The following ZNF891 variants were observed in gnomAD, a reference collection of about 807,000 sequenced individuals.
ZNF891 encodes hCG1646157.
For synonymous variants in ZNF891, 199 were observed against 209.0 expected (o/e 0.95, Z 0.41); for missense variants, 589 against 632.7 (o/e 0.93, Z 0.74).
chr12:133,121,942 A>G lies in ZNF891; in HGVS notation c.-24T>C. The G allele has an allele frequency of 6.7e-7, 1 of 1,500,530 alleles. No individual in the cohort carries two copies. The highest frequency in any genetic ancestry group is 8.9e-7 in the Non-Finnish European group (1 of 1,128,674). The allele number at this position is 1,500,530 out of a possible 1,614,324, so 93.0% of individuals were successfully genotyped here. ...ATTTTATGAGTACATAAGCCTGCAC[A>G]GTAGAGTAGAGAGATCAGGATGTTT... On this transcript the variant is annotated 5_prime_UTR_variant, in exon 2 of 2. Transcript: ENST00000537226.
In ZNF891 at chr12:133,121,149, A is replaced by T; in HGVS notation, c.770T>A (p.Phe257Tyr). The T allele has an allele frequency of 6.5e-7, 1 of 1,535,286 alleles. No individual in the cohort carries two copies. ...TTTTTGTACTGTTTGATTTCTCTGA[A>T]AATGCCATAGAGTTGTATCACATTC... ...SHECDTTLWHFQRNQTVQKEY... is the reference protein window; with the variant it reads ...SHECDTTLWHYQRNQTVQKEY... Residue 257 changes from phenylalanine (F) to tyrosine (Y), a missense_variant, in exon 2 of 2, where the codon TTT (phenylalanine) becomes TAT (tyrosine). Phe to Tyr is a conservative substitution (Grantham distance 22). Transcript: ENST00000537226.
In ZNF891 at chr12:133,105,852, A is replaced by T; in HGVS notation, c.*14432T>A. 1 of 1,614,164 alleles carries T rather than the reference A, an allele frequency of 6.2e-7. No homozygotes were observed. Among genetic ancestry groups the T allele is most frequent in the Non-Finnish European group, 8.5e-7 (1 of 1,180,028 alleles). On this transcript the variant is annotated 3_prime_UTR_variant, in exon 2 of 2. Transcript: ENST00000537226. ...ACTGGAGAGAAACCATATGCATGTA[A>T]GGAATGTGGCAAAACCTTTAGCCAG...
rs1955696293 is a variant in ZNF891 at position 133,113,245 on chromosome 12, GTATT to G, written c.*7035_*7038del. On this transcript the variant is annotated 3_prime_UTR_variant, in exon 2 of 2. Transcript: ENST00000537226. ...AGATATTAAAATCATGCTTTAAAAA[GTATT>G]TATTAAAAAGTTAATGATAGAATTA... 1 of 151,432 alleles carries G rather than the reference GTATT, an allele frequency of 6.6e-6. No homozygotes were observed. The highest frequency in any genetic ancestry group is 6.6e-5 in the Admixed American group (1 of 15,206). The allele number at this position is 151,432 out of a possible 1,614,324, so 9.4% of individuals were successfully genotyped here. A position where few individuals can be genotyped will look rare whatever the true frequency, so the allele number is the denominator to read the frequency against.
rs532793474 is a variant in ZNF891, at chr12:133,109,264, A to G, written c.*11020T>C. The G allele has an allele frequency of 1.4e-4, 22 of 152,338 alleles. No homozygotes were observed. In the East Asian group the frequency reaches 4.0e-3, roughly 28 times the overall value. 9.4% of individuals were successfully genotyped at this position (152,338 alleles called of 1,614,324 possible). A position where few individuals can be genotyped will look rare whatever the true frequency, so the allele number is the denominator to read the frequency against. ...GTGGTACCCACCCTCTCTAGACTGTAGATGATGCAGAACTTCTATAATGAA... is the reference window on the plus strand; with the variant it reads ...GTGGTACCCACCCTCTCTAGACTGTGGATGATGCAGAACTTCTATAATGAA... On this transcript the variant is annotated 3_prime_UTR_variant, in exon 2 of 2. Coordinates refer to ENST00000537226, the MANE Select transcript of ZNF891 (RefSeq NM_001277291.2).
intron 1 of ZNF891, chr12:133,125,811 A>G: frequency 2.0e-6 from 1 of 496,896 alleles, no homozygotes; most frequent in Non-Finnish European, 4.0e-6. Context: ...TGCCCTCCTC[A>G]CAGGCTTGTG....
Position 133,108,610 on chromosome 12 carries a change from C to G in ZNF891, c.*11674G>C, listed in dbSNP as rs1463588890. On this transcript the variant is annotated 3_prime_UTR_variant, in exon 2 of 2. Transcript: ENST00000537226. The stretch of plus-strand genomic sequence containing the variant: ...AAGGTTAAACATTTACTATCTAGCC[C>G]TTTACAGAAAAACTTGGCCAACCCC... 1 of 152,214 alleles carries G rather than the reference C, an allele frequency of 6.6e-6. No homozygotes were observed. The highest frequency in any genetic ancestry group is 1.9e-4 in the East Asian group (1 of 5,180). 9.4% of individuals were successfully genotyped at this position (152,214 alleles called of 1,614,324 possible).
At chr12:133,129,062 T>C (rs1479237231) in intron 1 of ZNF891, among the ~76,000 whole-genome samples, 1 of 152,042 alleles carries the variant, frequency 6.6e-6, no homozygotes, top group Non-Finnish European at 1.5e-5. Flanking sequence ...ATTTTAAAAA[T>C]CACCATAGAA....
Position 133,120,175 on chromosome 12 carries a change from AAAG to A in ZNF891, c.*106_*108del, listed in dbSNP as rs919593426. On this transcript the variant is annotated 3_prime_UTR_variant, in exon 2 of 2. Coordinates refer to ENST00000537226, the MANE Select transcript of ZNF891 (RefSeq NM_001277291.2). ...ATTTACAGAAAATGTTATATTAAAA[AAAG>A]AGCCATTTGTAACCTTAAATCGTTC... is the stretch of plus-strand genomic sequence containing the variant. 1.4e-4 allele frequency: 118 copies of A among 843,866 alleles called. No individual in the cohort carries two copies. In the African/African-American group the frequency reaches 1.8e-3, roughly 13 times the overall value. 52.3% of individuals were successfully genotyped at this position (843,866 alleles called of 1,614,324 possible).
chr12:133,128,771 G>A (rs1178321890), intron 1 of ZNF891, among the ~76,000 whole-genome samples: 1 of 145,522 alleles, frequency 6.9e-6, no homozygotes, highest in East Asian at 2.0e-4. Flanking sequence ...CCAGCCTGGA[G>A]ACAGAGTGAA....
At position 133,116,988 on chromosome 12, in the gene ZNF891, T is replaced by TA. The variant is rs1463601330; in HGVS notation, c.*3295dup. On this transcript the variant is annotated 3_prime_UTR_variant, in exon 2 of 2. Transcript: ENST00000537226. ...TCCTTCCTTTGAAGTTCATACCATC[T>TA]AGTTATACCACTTTCTCCCTCTCTT... is the stretch of plus-strand genomic sequence containing the variant. 1 of 152,292 alleles carries TA rather than the reference T, an allele frequency of 6.6e-6. No individual in the cohort carries two copies. The highest frequency in any genetic ancestry group is 1.5e-5 in the Non-Finnish European group (1 of 68,076). The allele number at this position is 152,292 out of a possible 1,614,324, so 9.4% of individuals were successfully genotyped here. A position where few individuals can be genotyped will look rare whatever the true frequency, so the allele number is the denominator to read the frequency against.
chr12:133,121,866 G>A lies in ZNF891; in HGVS notation c.53C>T (p.Ala18Val). 1 of 1,536,414 alleles carries A rather than the reference G, an allele frequency of 6.5e-7. No homozygotes were observed. The change falls in exon 2 of 2, where the codon GCC (alanine) becomes GTC (valine). Residue 18 changes from alanine to valine, a missense_variant. Coordinates refer to ENST00000537226, the MANE Select transcript of ZNF891 (RefSeq NM_001277291.2). The part of the protein sequence containing the change: ...SPWALTKQDS[A>V]CFHLRNAEEE... The stretch of plus-strand genomic sequence containing the variant: ...TTCAGCATTTCTCAGATGGAAACAG[G>A]CAGAGTCCTGTTTAGTTAAAGCCCA...
rs1955684347 is a variant in ZNF891 at position 133,111,815 on chromosome 12, G to C, written c.*8469C>G. On this transcript the variant is annotated 3_prime_UTR_variant, in exon 2 of 2. Coordinates refer to ENST00000537226, the MANE Select transcript of ZNF891 (RefSeq NM_001277291.2). ...TGCAACTTATGGAAAAATTAAAAAG[G>C]AAACCCAGTAACTTACAGAAAATTA... 6.6e-6 allele frequency: 1 copy of C among 151,866 alleles called. No homozygotes were observed. The highest frequency in any genetic ancestry group is 2.4e-5 in the African/African-American group (1 of 41,366). The allele number at this position is 151,866 out of a possible 1,614,324, so 9.4% of individuals were successfully genotyped here.
Position 133,106,656 on chromosome 12 carries a change from A to G in ZNF891, c.*13628T>C, listed in dbSNP as rs769735459. On this transcript the variant is annotated 3_prime_UTR_variant, in exon 2 of 2. Coordinates refer to ENST00000537226, the MANE Select transcript of ZNF891 (RefSeq NM_001277291.2). ...TTCCTTACTGAACACCAGTGAATTT[A>G]CACTGCAAAGAAAAACTATGAATGT... 9.0e-6 allele frequency: 14 copies of G among 1,558,854 alleles called. No individual in the cohort carries two copies. The highest frequency in any genetic ancestry group is 1.4e-5 in the African/African-American group (1 of 72,684).
Position 133,119,293 on chromosome 12 carries a change from C to T in ZNF891, c.*991G>A, listed in dbSNP as rs1210808682. 4 of 152,042 alleles carry T rather than the reference C, an allele frequency of 2.6e-5. No individual in the cohort carries two copies. The highest frequency in any genetic ancestry group is 9.7e-5 in the African/African-American group (4 of 41,400). 9.4% of individuals were successfully genotyped at this position (152,042 alleles called of 1,614,324 possible). A position where few individuals can be genotyped will look rare whatever the true frequency, so the allele number is the denominator to read the frequency against. On this transcript the variant is annotated 3_prime_UTR_variant, in exon 2 of 2. Transcript: ENST00000537226. ...GCACAGTGGCTCACGCCTGTAATGC[C>T]AACACTTTGGGACGCCTAGGTGGGT...
intron 1 of ZNF891, among the ~76,000 whole-genome samples, chr12:133,123,778 C>T (rs1251064720): frequency 6.7e-6 from 1 of 149,272 alleles, no homozygotes; most frequent in African/African-American, 2.5e-5. Flanking sequence ...GCTTCCTCTT[C>T]AAGAAAGAAA....
In ZNF891 at chr12:133,113,398, C is replaced by A. The variant is rs946225083; in HGVS notation, c.*6886G>T. 3 of 148,454 alleles carry A rather than the reference C, an allele frequency of 2.0e-5. No individual in the cohort carries two copies. Among genetic ancestry groups the A allele is most frequent in the Non-Finnish European group, 4.6e-5 (3 of 65,624 alleles). The allele number at this position is 148,454 out of a possible 1,614,324, so 9.2% of individuals were successfully genotyped here. ...GTTATGTCTTTCCATATTTTCAATG[C>A]ACACACACATATTTATAACATGCAT... On this transcript the variant is annotated 3_prime_UTR_variant, in exon 2 of 2. Transcript: ENST00000537226.
At position 133,110,690 on chromosome 12, in the gene ZNF891, C is replaced by A. The variant is rs1042736666; in HGVS notation, c.*9594G>T. On this transcript the variant is annotated 3_prime_UTR_variant, in exon 2 of 2. Coordinates refer to ENST00000537226, the MANE Select transcript of ZNF891 (RefSeq NM_001277291.2). ...GGCTAAGTGACTTGTGCCTGTAATC[C>A]CAGCATGATCCCAGCATGGGAGGCT... 1.3e-5 allele frequency: 2 copies of A among 152,104 alleles called. No homozygotes were observed. Among genetic ancestry groups the A allele is most frequent in the African/African-American group, 4.8e-5 (2 of 41,414 alleles). The allele number at this position is 152,104 out of a possible 1,614,324, so 9.4% of individuals were successfully genotyped here.
Position 133,108,624 on chromosome 12 carries a change from T to C in ZNF891, c.*11660A>G, listed in dbSNP as rs1955656674. On this transcript the variant is annotated 3_prime_UTR_variant, in exon 2 of 2. Coordinates refer to ENST00000537226, the MANE Select transcript of ZNF891 (RefSeq NM_001277291.2). Reference sequence around the variant, plus strand: ...ACTATCTAGCCCTTTACAGAAAAACTTGGCCAACCCCTGACTACATCAAAT... The same window carrying C: ...ACTATCTAGCCCTTTACAGAAAAACCTGGCCAACCCCTGACTACATCAAAT... 2.0e-5 allele frequency: 3 copies of C among 152,262 alleles called. No homozygotes were observed. The highest frequency in any genetic ancestry group is 6.5e-5 in the Admixed American group (1 of 15,274). 9.4% of individuals were successfully genotyped at this position (152,262 alleles called of 1,614,324 possible).
intron 1 of ZNF891, among the ~76,000 whole-genome samples, chr12:133,129,409 A>G (rs1056281268): frequency 2.0e-5 from 3 of 151,754 alleles, no homozygotes; most frequent in African/African-American, 7.3e-5. Flanking sequence ...ACTGAGGCAG[A>G]AGAATCACTT....
Sources: allele counts gnomAD v4.1 joint callset (sites outside exome capture counted in the v4.1 genomes callset), GRCh38; gene constraint gnomAD v4.1.1; transcripts MANE v1.5; gene names NCBI Gene and HGNC (gene_info 2026-07-23, HGNC 2026-07-21).